Variants in NDUFAF3 observed in about 807,000 individuals in gnomAD.
NDUFAF3 encodes the protein NADH:ubiquinone oxidoreductase complex assembly factor 3.
Under a neutral mutation model 22.6 loss-of-function variants are expected in NDUFAF3, and 21 were observed. The observed-to-expected ratio is 0.93, with a 90% CI of 0.66 to 1.34. NDUFAF3 has a LOEUF of 1.34. NDUFAF3 is among the 40% of genes most tolerant of loss of function. The pLI is 0.00. For synonymous variants in NDUFAF3, 113 were observed against 104.9 expected (o/e 1.08, Z -0.47); for missense variants, 251 against 248.4 (o/e 1.01, Z -0.07).
At chr3:49,022,087 C>A, upstream of NDUFAF3, 1 of 1,548,210 alleles carries the variant, frequency 6.5e-7, no homozygotes, top group Non-Finnish European at 8.7e-7. This position sits in a 1 kb window ranked among gnomAD's most constrained non-coding sequence, Gnocchi z 6.6. Context: ...CTCCGCAGGG[C>A]CCTCCCAACC....
chr3:49,022,611 C>G lies in NDUFAF3; in HGVS notation c.270+73C>G, dbSNP rs2093171649. The G allele has an allele frequency of 5.6e-6, 9 of 1,613,318 alleles. No homozygotes were observed. The highest frequency in any genetic ancestry group is 7.6e-6 in the Non-Finnish European group (9 of 1,179,472). On this transcript the variant is annotated intron_variant, in intron 2 of 4. Coordinates refer to ENST00000326925, the MANE Select transcript of NDUFAF3 (RefSeq NM_199069.2). This position sits in a 1 kb window ranked among gnomAD's most constrained non-coding sequence, Gnocchi z 6.6. ...CCTCACCCTGCTTGGTCCCTGCAAA[C>G]TTGGCTTTCCTCTGTCTCCTCCTGC...
At position 49,022,313 on chromosome 3, in the gene NDUFAF3, CG is replaced by C. The variant is rs758192957; in HGVS notation, c.78-31del. 8 of 1,607,222 alleles carry C rather than the reference CG, an allele frequency of 5.0e-6. No homozygotes were observed. Among genetic ancestry groups the C allele is most frequent in the Non-Finnish European group, 6.8e-6 (8 of 1,178,300 alleles). ...TTCCGGCCTCTCGGGCTGCCCGGCCCGGCCCCGCGCCCCTGACCCTTTCCCT... is the reference window on the plus strand; with the variant it reads ...TTCCGGCCTCTCGGGCTGCCCGGCCCGCCCCGCGCCCCTGACCCTTTCCCT... On this transcript the variant is annotated intron_variant, in intron 1 of 4. Coordinates refer to ENST00000326925, the MANE Select transcript of NDUFAF3 (RefSeq NM_199069.2). This position sits in a 1 kb window ranked among gnomAD's most constrained non-coding sequence, Gnocchi z 6.6.
In NDUFAF3 at chr3:49,023,431, G is replaced by A. The variant is rs1285092594; in HGVS notation, c.*259G>A. The stretch of plus-strand genomic sequence containing the variant: ...TCAGAAGTCGGGAAGCAGTATGTTT[G>A]CCTGTTGTAGACCTACTTGCTCACA... On this transcript the variant is annotated 3_prime_UTR_variant, in exon 5 of 5. Coordinates refer to ENST00000326925, the MANE Select transcript of NDUFAF3 (RefSeq NM_199069.2). 2 of 529,978 alleles carry A rather than the reference G, an allele frequency of 3.8e-6. No homozygotes were observed. Among genetic ancestry groups the A allele is most frequent in the African/African-American group, 3.8e-5 (2 of 52,394 alleles). The allele number at this position is 529,978 out of a possible 1,614,324, so 32.8% of individuals were successfully genotyped here.
At chr3:49,020,564 C>G, upstream of NDUFAF3, 1 of 468,468 alleles carries the variant, frequency 2.1e-6, no homozygotes, top group South Asian at 1.6e-5. Flanking sequence ...CCAAGCAGCT[C>G]AGTAAAGTAT....
chr3:49,022,407 ATC>A lies in NDUFAF3; in HGVS notation c.145_146del (p.Leu49AlafsTer110), dbSNP rs1466335275. On this transcript the variant is annotated frameshift_variant, in exon 2 of 5. Coordinates refer to ENST00000326925, the MANE Select transcript of NDUFAF3 (RefSeq NM_199069.2). LOFTEE classifies it high-confidence loss of function. The surrounding 1 kb of genome is among the most constrained non-coding windows in gnomAD (Gnocchi z 6.6). ...TGACGAGCTGTATCAGCGGACGCGCATCTCTCTGCTGCAACGCGAGGCCGCTC... is the reference window on the plus strand; with the variant it reads ...TGACGAGCTGTATCAGCGGACGCGCATCTCTGCTGCAACGCGAGGCCGCTC... ...ADDELYQRTR[I>X]SLLQREAAQA... 4 of 1,612,878 alleles carry A rather than the reference ATC, an allele frequency of 2.5e-6. No homozygotes were observed. Among genetic ancestry groups the A allele is most frequent in the Non-Finnish European group, 3.4e-6 (4 of 1,180,018 alleles).
chr3:49,023,423 G>A lies in NDUFAF3; in HGVS notation c.*251G>A, dbSNP rs989415162. On this transcript the variant is annotated 3_prime_UTR_variant, in exon 5 of 5. Transcript: ENST00000326925. Reference sequence around the variant, plus strand: ...TTGACTTTTCAGAAGTCGGGAAGCAGTATGTTTGCCTGTTGTAGACCTACT... The same window carrying A: ...TTGACTTTTCAGAAGTCGGGAAGCAATATGTTTGCCTGTTGTAGACCTACT... 1.8e-6 allele frequency: 1 copy of A among 547,592 alleles called. No individual in the cohort carries two copies. Among genetic ancestry groups the A allele is most frequent in the Non-Finnish European group, 3.3e-6 (1 of 302,210 alleles). The allele number at this position is 547,592 out of a possible 1,614,324, so 33.9% of individuals were successfully genotyped here.
In NDUFAF3 at chr3:49,022,727, A is replaced by T; in HGVS notation, c.296A>T (p.Glu99Val). Reference sequence around the variant, plus strand: ...GTGGGATCCCACCAGGACATCACCGAAGACAGCTTTTCCCTCTTCTGGTTG... The same window carrying T: ...GTGGGATCCCACCAGGACATCACCGTAGACAGCTTTTCCCTCTTCTGGTTG... ...WNVGSHQDIT[E>V]DSFSLFWLLE... Residue 99 changes from glutamate (E) to valine (V), a missense_variant, in exon 3 of 5, where the codon GAA becomes GTA. By Grantham distance (121) the Glu-to-Val change is moderately radical. Coordinates refer to ENST00000326925, the MANE Select transcript of NDUFAF3 (RefSeq NM_199069.2). The surrounding 1 kb of genome is among the most constrained non-coding windows in gnomAD (Gnocchi z 6.6). 3.1e-6 allele frequency: 5 copies of T among 1,614,036 alleles called. No individual in the cohort carries two copies. The highest frequency in any genetic ancestry group is 4.2e-6 in the Non-Finnish European group (5 of 1,180,018).
rs1203050655 is a variant in NDUFAF3, at chr3:49,023,284, T to A, written c.*112T>A. 1 of 898,338 alleles carries A rather than the reference T, an allele frequency of 1.1e-6. No homozygotes were observed. Among genetic ancestry groups the A allele is most frequent in the Non-Finnish European group, 1.9e-6 (1 of 533,474 alleles). The allele number at this position is 898,338 out of a possible 1,614,324, so 55.6% of individuals were successfully genotyped here. A position where few individuals can be genotyped will look rare whatever the true frequency, so the allele number is the denominator to read the frequency against. ...ATCAACATAATAATTTATACACTTCTCCCATTTTGTATCAGGTGTGTTGCT... is the reference window on the plus strand; with the variant it reads ...ATCAACATAATAATTTATACACTTCACCCATTTTGTATCAGGTGTGTTGCT... On this transcript the variant is annotated 3_prime_UTR_variant, in exon 5 of 5. Coordinates refer to ENST00000326925, the MANE Select transcript of NDUFAF3 (RefSeq NM_199069.2).
chr3:49,023,469 AGGACCTCAAC>A lies in NDUFAF3; in HGVS notation c.*300_*309del, dbSNP rs2106776966. 2.2e-6 allele frequency: 1 copy of A among 456,350 alleles called. No homozygotes were observed. The highest frequency in any genetic ancestry group is 3.4e-5 in the Admixed American group (1 of 29,290). 28.3% of individuals were successfully genotyped at this position (456,350 alleles called of 1,614,324 possible). A position where few individuals can be genotyped will look rare whatever the true frequency, so the allele number is the denominator to read the frequency against. ...CTACTTGCTCACATGCAGATTTGAG[AGGACCTCAAC>A]GGCTTTTCTCACAAAATCGCTGATT... On this transcript the variant is annotated 3_prime_UTR_variant, in exon 5 of 5. Transcript: ENST00000326925.
rs758531147 is a variant in NDUFAF3, at chr3:49,022,565, C to A, written c.270+27C>A. 6.2e-7 allele frequency: 1 copy of A among 1,613,508 alleles called. No homozygotes were observed. Among genetic ancestry groups the A allele is most frequent in the Non-Finnish European group, 8.5e-7 (1 of 1,179,950 alleles). ...TGAGTCCTGGCCCGCAGTGTGGAAA[C>A]TGAGGCCCAGAGTCACAGGCCCTCA... On this transcript the variant is annotated intron_variant, in intron 2 of 4. Transcript: ENST00000326925. This position sits in a 1 kb window ranked among gnomAD's most constrained non-coding sequence, Gnocchi z 6.6.
chr3:49,022,107 A>G, upstream of NDUFAF3: 8 of 1,590,610 alleles, frequency 5.0e-6, no homozygotes, highest in Non-Finnish European at 6.8e-6. This position sits in a 1 kb window ranked among gnomAD's most constrained non-coding sequence, Gnocchi z 6.6. Context: ...CCGGGGACTA[A>G]CGGCGCCGGT....
At position 49,023,163 on chromosome 3, in the gene NDUFAF3, T is replaced by C; in HGVS notation, c.546T>C (p.Ala182=). ...GGTSLTSLGQ[A]AQ ...CTTCACTTACATCTTTGGGCCAAGC[T>C]GCTCAATGAACCGCCAGGAACTGAC... is the stretch of plus-strand genomic sequence containing the variant. The change falls in exon 5 of 5, where the codon GCT becomes GCC. Residue 182 remains alanine, a synonymous_variant. Transcript: ENST00000326925. 1 of 1,613,462 alleles carries C rather than the reference T, an allele frequency of 6.2e-7. No homozygotes were observed. The highest frequency in any genetic ancestry group is 8.5e-7 in the Non-Finnish European group (1 of 1,179,548).
Position 49,022,433 on chromosome 3 carries a change from T to G in NDUFAF3, c.165T>G (p.Ala55=), listed in dbSNP as rs749897237. Residue 55 remains alanine, a synonymous_variant, in exon 2 of 5, where the codon GCT becomes GCG. Transcript: ENST00000326925. This position sits in a 1 kb window ranked among gnomAD's most constrained non-coding sequence, Gnocchi z 6.6. ...TCTCTCTGCTGCAACGCGAGGCCGCTCAGGCAATGTACATCGACAGCTACA... is the reference window on the plus strand; with the variant it reads ...TCTCTCTGCTGCAACGCGAGGCCGCGCAGGCAATGTACATCGACAGCTACA... ...TRISLLQREA[A]QAMYIDSYNS... The G allele has an allele frequency of 5.0e-6, 8 of 1,612,862 alleles. No homozygotes were observed. The highest frequency in any genetic ancestry group is 2.5e-6 in the Non-Finnish European group (3 of 1,180,030).
rs2106776453 is a variant in NDUFAF3, at chr3:49,023,323, T to C, written c.*151T>C. On this transcript the variant is annotated 3_prime_UTR_variant, in exon 5 of 5. Coordinates refer to ENST00000326925, the MANE Select transcript of NDUFAF3 (RefSeq NM_199069.2). ...AGGTGTGTTGCTGGCCAGGAGCTGA[T>C]GGCTCACTGGGCTCTTGGAGGGGAA... 1 of 735,648 alleles carries C rather than the reference T, an allele frequency of 1.4e-6. No homozygotes were observed. The highest frequency in any genetic ancestry group is 1.4e-5 in the South Asian group (1 of 69,192). The allele number at this position is 735,648 out of a possible 1,614,324, so 45.6% of individuals were successfully genotyped here. A position where few individuals can be genotyped will look rare whatever the true frequency, so the allele number is the denominator to read the frequency against.
Position 49,023,256 on chromosome 3 carries a change from C to T in NDUFAF3, c.*84C>T. 1 of 1,035,870 alleles carries T rather than the reference C, an allele frequency of 9.7e-7. No individual in the cohort carries two copies. Among genetic ancestry groups the T allele is most frequent in the Non-Finnish European group, 1.5e-6 (1 of 654,274 alleles). The allele number at this position is 1,035,870 out of a possible 1,614,324, so 64.2% of individuals were successfully genotyped here. A position where few individuals can be genotyped will look rare whatever the true frequency, so the allele number is the denominator to read the frequency against. ...TATCTACCCTTTGGCACTTATCTTG[C>T]TTATCAACATAATAATTTATACACT... On this transcript the variant is annotated 3_prime_UTR_variant, in exon 5 of 5. Coordinates refer to ENST00000326925, the MANE Select transcript of NDUFAF3 (RefSeq NM_199069.2).
chr3:49,022,835 C>T lies in NDUFAF3; in HGVS notation c.338-41C>T. ...CAGAAGGCGACCCCCACTGCAGCCT[C>T]TCAACAGAACTGTAGACTAGCCACA... On this transcript the variant is annotated intron_variant, in intron 3 of 4. Coordinates refer to ENST00000326925, the MANE Select transcript of NDUFAF3 (RefSeq NM_199069.2). The surrounding 1 kb of genome is among the most constrained non-coding windows in gnomAD (Gnocchi z 6.6). 6 of 1,613,530 alleles carry T rather than the reference C, an allele frequency of 3.7e-6. No individual in the cohort carries two copies. Among genetic ancestry groups the T allele is most frequent in the Non-Finnish European group, 5.1e-6 (6 of 1,179,858 alleles).
At chr3:49,020,505 C>T (rs1437785722), upstream of NDUFAF3, 4 of 414,936 alleles carry the variant, frequency 9.6e-6, no homozygotes, top group Non-Finnish European at 2.0e-5. Context: ...TCTCCCACGT[C>T]TACACCCATC....
At position 49,022,845 on chromosome 3, in the gene NDUFAF3, C is replaced by G. The variant is rs771679167; in HGVS notation, c.338-31C>G. 2 of 1,613,416 alleles carry G rather than the reference C, an allele frequency of 1.2e-6. No homozygotes were observed. Among genetic ancestry groups the G allele is most frequent in the Middle Eastern group, 1.6e-4 (1 of 6,080 alleles). ...CCCCCACTGCAGCCTCTCAACAGAA[C>G]TGTAGACTAGCCACACCCACCCTTC... On this transcript the variant is annotated intron_variant, in intron 3 of 4. Transcript: ENST00000326925. The surrounding 1 kb of genome is among the most constrained non-coding windows in gnomAD (Gnocchi z 6.6).
rs958054298 is a variant in NDUFAF3 at position 49,022,169 on chromosome 3, A to G, written c.25A>G (p.Ser9Gly). The G allele has an allele frequency of 2.5e-6, 4 of 1,610,148 alleles. No homozygotes were observed. In the African/African-American group the frequency reaches 5.3e-5, roughly 22 times the overall value. Reference sequence around the variant, plus strand: ...CATGGCCACCGCTCTCGCGCTACGTAGCTTGTACCGAGCGCGACCCTCGCT... The same window carrying G: ...CATGGCCACCGCTCTCGCGCTACGTGGCTTGTACCGAGCGCGACCCTCGCT... MATALALR[S>G]LYRARPSLRC... Residue 9 changes from serine to glycine, a missense_variant, in exon 1 of 5, where the codon AGC (serine) becomes GGC (glycine). By Grantham distance (56) the Ser-to-Gly change is moderately conservative. Coordinates refer to ENST00000326925, the MANE Select transcript of NDUFAF3 (RefSeq NM_199069.2). The surrounding 1 kb of genome is among the most constrained non-coding windows in gnomAD (Gnocchi z 6.6).
Sources: allele counts gnomAD v4.1 joint callset, GRCh38; gene constraint gnomAD v4.1.1; non-coding constraint Gnocchi (gnomAD v3.1); transcripts MANE v1.5; gene names NCBI Gene and HGNC (gene_info 2026-07-23, HGNC 2026-07-21).